CREB5: variants seen among roughly 807,000 people sequenced by gnomAD.
CREB5 encodes the protein cAMP responsive element binding protein 5, also known as cyclic AMP-responsive element-binding protein 5.
In CREB5, 19 loss-of-function variants were observed where a neutral mutation model predicts 57.1. The observed-to-expected ratio is 0.33, with a 90% confidence interval of 0.23 to 0.49. The LOEUF is 0.49. CREB5 is among the 20% of genes least tolerant of loss of function. The pLI, the probability that CREB5 is intolerant of heterozygous loss-of-function variation, is 0.99. For synonymous variants in CREB5, 238 were observed against 238.3 expected (o/e 1.00, Z 0.01); for missense variants, 579 against 671.6 (o/e 0.86, Z 1.52).
At chr7:28,310,837 C>T (rs1785262462) in intron 1 of CREB5, among the ~76,000 whole-genome samples, 1 of 152,166 alleles carries the variant, frequency 6.6e-6, no homozygotes, top group African/African-American at 2.4e-5. Flanking sequence ...ATCATTATTA[C>T]ACTCGATGAA....
At position 28,412,922 on chromosome 7, in the gene CREB5, G is replaced by T; in HGVS notation, c.3+5G>T. 6.8e-7 allele frequency: 1 copy of T among 1,478,480 alleles called. No individual in the cohort carries two copies. Among genetic ancestry groups the T allele is most frequent in the Non-Finnish European group, 9.0e-7 (1 of 1,110,070 alleles). 91.6% of individuals were successfully genotyped at this position (1,478,480 alleles called of 1,614,324 possible). On this transcript the variant is annotated splice_donor_5th_base_variant and intron_variant, in intron 1 of 10. Transcript: ENST00000357727. Reference sequence around the variant, plus strand: ...GCTTTTATTCTACAGATAATGGTAAGGATGATGTTTATTATGCATATTAAA... The same window carrying T: ...GCTTTTATTCTACAGATAATGGTAATGATGATGTTTATTATGCATATTAAA...
chr7:28,301,562 G>A (rs878888765), intron 1 of CREB5, among the ~76,000 whole-genome samples: 2 of 152,138 alleles, frequency 1.3e-5, no homozygotes, highest in African/African-American at 4.8e-5. Context: ...GTCCAACCCC[G>A]GATATACTGA....
intron 4 of CREB5, among the ~76,000 whole-genome samples, chr7:28,523,592 A>T (rs183733376): frequency 6.4e-4 from 97 of 152,238 alleles, no homozygotes; most frequent in Non-Finnish European, 1.2e-3. Context: ...ACCCCAACTT[A>T]ATTTTCCAGT....
Position 28,642,979 on chromosome 7 carries a change from C to CACAT in CREB5, c.464+72445_464+72446insTACA, listed in dbSNP as rs1334962858. On this transcript the variant is annotated intron_variant, in intron 5 of 10. Coordinates refer to ENST00000357727, the MANE Select transcript of CREB5 (RefSeq NM_182898.4). ...ACACACACACACACACACACACACACACACACATACACACACACACACACA... is the reference window on the plus strand; with the variant it reads ...ACACACACACACACACACACACACACACATACACACATACACACACACACACACA... Among the ~76,000 whole-genome samples, 55 of 101,280 alleles carry CACAT rather than the reference C, an allele frequency of 5.4e-4. 1 individual carries two copies. Among genetic ancestry groups the CACAT allele is most frequent in the South Asian group, 1.3e-3 (4 of 3,096 alleles). 66.4% of individuals were successfully genotyped at this position (101,280 alleles called of 152,430 possible).
At chr7:28,776,337 C>CAAAAA (rs397720790) in intron 7 of CREB5, among the ~76,000 whole-genome samples, 1 of 114,498 alleles carries the variant, frequency 8.7e-6, no homozygotes, top group African/African-American at 3.1e-5. Flanking sequence ...GACTCTGTCT[C>CAAAAA]AAAAAAAAAA....
At chr7:28,469,765 A>G (rs1790733710) in intron 1 of CREB5, among the ~76,000 whole-genome samples, 1 of 152,188 alleles carries the variant, frequency 6.6e-6, no homozygotes. Context: ...CATACTAATA[A>G]TCCTTAGGAG....
intron 1 of CREB5, among the ~76,000 whole-genome samples, chr7:28,392,534 G>A (rs1787241711): frequency 6.6e-6 from 1 of 152,178 alleles, no homozygotes; most frequent in Non-Finnish European, 1.5e-5. Context: ...TGACAGCCCA[G>A]GTTTATGTGG....
chr7:28,469,077 C>T (rs1181375029), intron 1 of CREB5, among the ~76,000 whole-genome samples: 1 of 152,098 alleles, frequency 6.6e-6, no homozygotes, highest in Non-Finnish European at 1.5e-5. Context: ...TAAGTAGGGC[C>T]AGGCCTGCTG....
intron 1 of CREB5, among the ~76,000 whole-genome samples, chr7:28,430,440 C>T (rs1772130936): frequency 6.6e-6 from 1 of 152,138 alleles, no homozygotes; most frequent in Admixed American, 6.5e-5. Context: ...AATAATAAGG[C>T]CTACTTCACA....
At chr7:28,457,808 A>G (rs1246363348) in intron 1 of CREB5, among the ~76,000 whole-genome samples, 1 of 152,160 alleles carries the variant, frequency 6.6e-6, no homozygotes, top group African/African-American at 2.4e-5. Context: ...ATCTTGGGCC[A>G]GCCCTATTGA....
At chr7:28,602,324 G>A (rs1473457673) in intron 5 of CREB5, among the ~76,000 whole-genome samples, 1 of 151,928 alleles carries the variant, frequency 6.6e-6, no homozygotes, top group Non-Finnish European at 1.5e-5. Context: ...CCAGGGTTTC[G>A]CCATGTTGGC....
chr7:28,408,752 T>G (rs1406182729), upstream of CREB5, among the ~76,000 whole-genome samples: 2 of 151,990 alleles, frequency 1.3e-5, no homozygotes, highest in African/African-American at 4.8e-5. Context: ...GTTATTCTCC[T>G]GGAGGAGGTG....
At chr7:28,359,363 C>T (rs1037803400) in intron 1 of CREB5, among the ~76,000 whole-genome samples, 8 of 152,124 alleles carry the variant, frequency 5.3e-5, no homozygotes, top group East Asian at 1.9e-4. Flanking sequence ...CCTATAAGAG[C>T]GTTGTCAGAG....
chr7:28,792,781 C>T (rs1193254642), intron 7 of CREB5, among the ~76,000 whole-genome samples: 2 of 152,098 alleles, frequency 1.3e-5, no homozygotes, highest in African/African-American at 2.4e-5. Flanking sequence ...ATCCTGTGGC[C>T]CTCAGAGACT....
At position 28,777,285 on chromosome 7, in the gene CREB5, C is replaced by T. The variant is rs1028670090; in HGVS notation, c.703-26914C>T. The stretch of plus-strand genomic sequence containing the variant: ...CATTGTACAGTGATGTGCTACTATC[C>T]GGTGCTTATATCTAACAATTTTATA... On this transcript the variant is annotated intron_variant, in intron 7 of 10. Coordinates refer to ENST00000357727, the MANE Select transcript of CREB5 (RefSeq NM_182898.4). Among the ~76,000 whole-genome samples, 52 of 152,232 alleles carry T rather than the reference C, an allele frequency of 3.4e-4. 1 individual carries two copies. The highest frequency in any genetic ancestry group is 2.1e-4 in the South Asian group (1 of 4,826).
intron 5 of CREB5, among the ~76,000 whole-genome samples, chr7:28,571,072 A>C (rs1795682201): frequency 6.6e-6 from 1 of 151,974 alleles, no homozygotes; most frequent in African/African-American, 2.4e-5. Flanking sequence ...CCATCTGATA[A>C]CTGAGATAGC....
intron 5 of CREB5, among the ~76,000 whole-genome samples, chr7:28,714,392 T>C (rs1293096912): frequency 6.6e-6 from 1 of 152,214 alleles, no homozygotes; most frequent in Non-Finnish European, 1.5e-5. Context: ...CAGATCTGTC[T>C]GTCCTGAGAG....
chr7:28,464,805 T>C (rs1373107312), intron 1 of CREB5, among the ~76,000 whole-genome samples: 1 of 152,170 alleles, frequency 6.6e-6, no homozygotes, highest in Non-Finnish European at 1.5e-5. Flanking sequence ...TTGCAGTTCA[T>C]GCCTTATGAT....
chr7:28,384,952 A>G (rs901189200), intron 1 of CREB5, among the ~76,000 whole-genome samples: 2 of 152,214 alleles, frequency 1.3e-5, no homozygotes, highest in Non-Finnish European at 2.9e-5. Flanking sequence ...TAATATTCCA[A>G]ATTCACTTCA....
Sources: gnomAD v4.1 joint callset for allele counts (sites outside exome capture counted in the v4.1 genomes callset) on GRCh38, gnomAD v4.1.1 for gene constraint, MANE v1.5 for transcripts, NCBI Gene and HGNC (gene_info 2026-07-23, HGNC 2026-07-21) for gene names.